KIAA1217: variants seen among roughly 807,000 people sequenced by gnomAD.
KIAA1217 encodes sickle tail protein homolog.
KIAA1217 carries 88 observed loss-of-function variants against 163.9 expected under a neutral mutation model. That is an observed-to-expected ratio of 0.54 (90% CI 0.45 to 0.64). The LOEUF is 0.64. Ranked by LOEUF, KIAA1217 falls within the 30% of genes least tolerant of loss-of-function variation. The pLI, the probability that KIAA1217 is intolerant of heterozygous loss-of-function variation, is 0.00. For missense variants in KIAA1217, 2,372 were observed against 2,475.0 expected (o/e 0.96, Z 0.88); for synonymous variants, 903 against 923.1 (o/e 0.98, Z 0.39).
At chr10:24,136,770 A>G (rs887369935) in intron 2 of KIAA1217, among the ~76,000 whole-genome samples, 1 of 152,254 alleles carries the variant, frequency 6.6e-6, no homozygotes, top group Non-Finnish European at 1.5e-5. Context: ...TCGAGGAAAC[A>G]TTGACTGAGC....
At chr10:23,697,671 A>G (rs1219866735) in intron 1 of KIAA1217, among the ~76,000 whole-genome samples, 1 of 151,390 alleles carries the variant, frequency 6.6e-6, no homozygotes, top group Non-Finnish European at 1.5e-5. Context: ...GGAGTTTAAG[A>G]CCAGCTTAGG....
intron 1 of KIAA1217, among the ~76,000 whole-genome samples, chr10:23,975,926 A>T (rs1589168825): frequency 6.6e-6 from 1 of 152,024 alleles, no homozygotes; most frequent in Admixed American, 6.6e-5. Flanking sequence ...TTTCTTGATG[A>T]CCTGTCAGGG....
At chr10:24,334,712 A>G (rs866270449) in intron 2 of KIAA1217, among the ~76,000 whole-genome samples, 1 of 152,134 alleles carries the variant, frequency 6.6e-6, no homozygotes, top group African/African-American at 2.4e-5. Flanking sequence ...TTGTAACTCT[A>G]CTTCCAACAG....
chr10:24,474,915 G>A (rs934271160), intron 6 of KIAA1217, among the ~76,000 whole-genome samples: 2 of 152,130 alleles, frequency 1.3e-5, no homozygotes, highest in South Asian at 2.1e-4. Context: ...TGAATCAAGG[G>A]GTATGAAAAA....
intron 2 of KIAA1217, among the ~76,000 whole-genome samples, chr10:24,316,458 A>G (rs1337875693): frequency 6.6e-6 from 1 of 152,178 alleles, no homozygotes; most frequent in Non-Finnish European, 1.5e-5. Context: ...TCATCATTTC[A>G]AAGTATTAAG....
intron 1 of KIAA1217, among the ~76,000 whole-genome samples, chr10:24,209,819 GT>G (rs1466786469): frequency 6.6e-6 from 1 of 152,180 alleles, no homozygotes; most frequent in Non-Finnish European, 1.5e-5. Context: ...CTTCTTTTAT[GT>G]TTTAATTCAA....
At chr10:23,990,377 G>A (rs184795996) in intron 1 of KIAA1217, among the ~76,000 whole-genome samples, 4 of 151,892 alleles carry the variant, frequency 2.6e-5, no homozygotes, top group Admixed American at 2.6e-4. Flanking sequence ...TTTCATGAAG[G>A]CCTCAAAAAT....
intron 1 of KIAA1217, among the ~76,000 whole-genome samples, chr10:23,721,775 A>G (rs529898099): frequency 1.3e-5 from 2 of 152,280 alleles, no homozygotes; most frequent in African/African-American, 4.8e-5. Context: ...TCTAAGTTTA[A>G]AAGAAATCAA....
chr10:24,420,557 CTTTG>C (rs749635699), intron 3 of KIAA1217, among the ~76,000 whole-genome samples: 3 of 152,154 alleles, frequency 2.0e-5, no homozygotes, highest in East Asian at 1.9e-4. Flanking sequence ...AGTTTATGAT[CTTTG>C]TTTCTTTTTA....
chr10:24,301,455 T>G (rs969054927), intron 2 of KIAA1217, among the ~76,000 whole-genome samples: 5 of 152,162 alleles, frequency 3.3e-5, no homozygotes, highest in Admixed American at 3.3e-4. Flanking sequence ...AAACTGAAAT[T>G]TAATTGCAGC....
chr10:24,439,335 A>G (rs963077686), intron 5 of KIAA1217, among the ~76,000 whole-genome samples: 2 of 152,196 alleles, frequency 1.3e-5, no homozygotes, highest in Admixed American at 1.3e-4. Context: ...TCTACAGATT[A>G]GCACTTGGCT....
intron 1 of KIAA1217, among the ~76,000 whole-genome samples, chr10:23,703,090 C>T (rs1215085188): frequency 6.6e-6 from 1 of 152,112 alleles, no homozygotes; most frequent in African/African-American, 2.4e-5. Context: ...AGAACATCTT[C>T]CCTCCATGCC....
intron 1 of KIAA1217, among the ~76,000 whole-genome samples, chr10:23,921,020 T>C (rs902899961): frequency 2.6e-5 from 4 of 152,212 alleles, no homozygotes; most frequent in Non-Finnish European, 4.4e-5. Flanking sequence ...GAAGCCTCCC[T>C]AGCTATGTGG....
chr10:24,043,611 G>A (rs1268629012), intron 2 of KIAA1217, among the ~76,000 whole-genome samples: 1 of 152,056 alleles, frequency 6.6e-6, no homozygotes, highest in Non-Finnish European at 1.5e-5. Flanking sequence ...TAGAAGTATT[G>A]ACAGAAGTGG....
At position 23,824,644 on chromosome 10, in the gene KIAA1217, AAAAAAATAAAAAAAATAT is replaced by A. The variant is rs1193617140; in HGVS notation, c.-321+129412_-321+129429del. Among the ~76,000 whole-genome samples the A allele has an allele frequency of 9.4e-4, 89 of 94,336 alleles. No individual in the cohort carries two copies. In the South Asian group the frequency reaches 0.03, roughly 32 times the overall value. The allele number at this position is 94,336 out of a possible 152,430, so 61.9% of individuals were successfully genotyped here. Reference sequence around the variant, plus strand: ...ACTCTGTCTCAAGAAAAAAAAAAAAAAAAAAATAAAAAAAATATATATATATATATATATATATGTATA... The same window carrying A: ...ACTCTGTCTCAAGAAAAAAAAAAAAAATATATATATATATATATATGTATA... On this transcript the variant is annotated intron_variant, in intron 1 of 18. Transcript: ENST00000376462.
At chr10:24,512,082 C>T (rs2069265378) in intron 9 of KIAA1217, among the ~76,000 whole-genome samples, 1 of 152,164 alleles carries the variant, frequency 6.6e-6, no homozygotes, top group Non-Finnish European at 1.5e-5. Flanking sequence ...CCATGCAGTG[C>T]TGATGTTGGG....
At chr10:24,309,899 T>G (rs997421225) in intron 2 of KIAA1217, among the ~76,000 whole-genome samples, 1 of 152,188 alleles carries the variant, frequency 6.6e-6, no homozygotes, top group African/African-American at 2.4e-5. Context: ...TATAACCTAT[T>G]GTCCTTAAAC....
At chr10:24,437,157 C>T (rs748132376) in intron 4 of KIAA1217, among the ~76,000 whole-genome samples, 29 of 152,128 alleles carry the variant, frequency 1.9e-4, no homozygotes, top group Non-Finnish European at 3.4e-4. Context: ...TTCACGTCCT[C>T]GCCTGTGACT....
At chr10:24,441,808 G>A (rs2060519325) in intron 5 of KIAA1217, among the ~76,000 whole-genome samples, 2 of 152,072 alleles carry the variant, frequency 1.3e-5, no homozygotes, top group East Asian at 3.9e-4. Context: ...GTACTCACAG[G>A]GTTTTAAATT....
Sources: allele counts gnomAD v4.1 joint callset (sites outside exome capture counted in the v4.1 genomes callset), GRCh38; gene constraint gnomAD v4.1.1; transcripts MANE v1.5; gene names NCBI Gene and HGNC (gene_info 2026-07-23, HGNC 2026-07-21).